Variants in ADAP1 observed in about 807,000 individuals in gnomAD.
ADAP1 encodes the protein arf-GAP with dual PH domain-containing protein 1.
ADAP1 carries 31 observed loss-of-function variants against 54.9 expected under a neutral mutation model. The ratio of observed to expected loss-of-function variants is 0.56; its 90% confidence interval spans 0.42 to 0.76. ADAP1 has a LOEUF of 0.76. Among genes scored for constraint, ADAP1 ranks in the 30% least tolerant of loss-of-function variants. The pLI, the probability that ADAP1 is intolerant of heterozygous loss-of-function variation, is 0.00. For missense variants in ADAP1, 535 were observed against 512.4 expected, an observed-to-expected ratio of 1.04 and a Z score of -0.42; for synonymous variants, 313 against 202.6, an observed-to-expected ratio of 1.55 and a Z score of -4.63.
intron 1 of ADAP1, among the ~76,000 whole-genome samples, chr7:951,006 C>T (rs993737085): frequency 1.3e-5 from 2 of 151,708 alleles, no homozygotes; most frequent in African/African-American, 4.8e-5. Context: ...ATGGTGGTGG[C>T]GGTGGCACGG....
rs1254058699 is a variant in ADAP1 at position 899,019 on chromosome 7, C to T, written c.1096+14G>A. 1 of 1,609,708 alleles carries T rather than the reference C, an allele frequency of 6.2e-7. No homozygotes were observed. Among genetic ancestry groups the T allele is most frequent in the East Asian group, 2.2e-5 (1 of 44,854 alleles). ...GGGAGCCCTTCCAGGCCGCCGGCCG[C>T]CCGCCCCCCTCACCTGCGTACTCCT... On this transcript the variant is annotated intron_variant, in intron 10 of 10. Transcript: ENST00000265846.
At position 954,509 on chromosome 7, in the gene ADAP1, G is replaced by A. The variant is rs997467103; in HGVS notation, c.-32C>T. On this transcript the variant is annotated 5_prime_UTR_variant, in exon 1 of 11. Transcript: ENST00000265846. ...GATGCGCCCGCGATGCCGATGCCGG[G>A]GCCGGGGCCGGGAGCGTCAGCCCGG... 26 of 1,009,562 alleles carry A rather than the reference G, an allele frequency of 2.6e-5. No individual in the cohort carries two copies. Among genetic ancestry groups the A allele is most frequent in the South Asian group, 4.3e-5 (1 of 23,454 alleles). The allele number at this position is 1,009,562 out of a possible 1,614,324, so 62.5% of individuals were successfully genotyped here.
intron 4 of ADAP1, among the ~76,000 whole-genome samples, chr7:911,986 G>C (rs1350059278): frequency 6.6e-6 from 1 of 152,186 alleles, no homozygotes; most frequent in African/African-American, 2.4e-5. Context: ...CGCTGCCTGC[G>C]AGGAACGGCT....
At chr7:906,666 A>C (rs1448382056) in intron 4 of ADAP1, among the ~76,000 whole-genome samples, 2 of 100,172 alleles carry the variant, frequency 2.0e-5, no homozygotes, top group Non-Finnish European at 3.8e-5. Flanking sequence ...GGGGCGGGAA[A>C]GGGGACATGG....
At chr7:901,662 G>A (rs965641734) in intron 6 of ADAP1, among the ~76,000 whole-genome samples, 2 of 88,962 alleles carry the variant, frequency 2.2e-5, no homozygotes, top group African/African-American at 9.0e-5. Context: ...GCCCCTCATC[G>A]GCCTCCAGCC....
Position 946,113 on chromosome 7 carries a change from G to A in ADAP1, c.82+8283C>T, listed in dbSNP as rs1288553616. 6.6e-6 allele frequency among the ~76,000 whole-genome samples: 1 copy of A among 152,222 alleles called. No homozygotes were observed. The highest frequency in any genetic ancestry group is 1.5e-5 in the Non-Finnish European group (1 of 68,032). ...CCCACCACCCTTCACAGCTACGTGAGGCGGGGCATGCATGGCTGTCCCCCA... is the reference window on the plus strand; with the variant it reads ...CCCACCACCCTTCACAGCTACGTGAAGCGGGGCATGCATGGCTGTCCCCCA... On this transcript the variant is annotated intron_variant, in intron 1 of 10. Transcript: ENST00000265846. This position sits in a 1 kb window ranked among gnomAD's most constrained non-coding sequence, Gnocchi z 4.3.
intron 1 of ADAP1, among the ~76,000 whole-genome samples, chr7:937,184 G>T (rs1846793454): frequency 1.2e-5 from 1 of 81,678 alleles, no homozygotes; most frequent in Non-Finnish European, 2.7e-5. Flanking sequence ...CCCGACCTCT[G>T]GGATTTGGGG....
chr7:935,043 C>T, intron 2 of ADAP1: 2 of 471,504 alleles, frequency 4.2e-6, no homozygotes, highest in South Asian at 3.2e-5. Context: ...CTCTTTTACC[C>T]TGAGCCCAGT....
chr7:931,620 G>A (rs1239777716), intron 2 of ADAP1, among the ~76,000 whole-genome samples: 1 of 152,140 alleles, frequency 6.6e-6, no homozygotes, highest in Non-Finnish European at 1.5e-5. Flanking sequence ...TGATGAAAAT[G>A]TCCTAATATT....
chr7:905,654 GA>G (rs1205573882), intron 4 of ADAP1: 12 of 175,132 alleles, frequency 6.9e-5, no homozygotes, highest in South Asian at 1.3e-4. Context: ...AAAGGGAAAG[GA>G]GAAAGGAGAA....
Position 920,553 on chromosome 7 carries a change from C to T in ADAP1, c.306-503G>A, listed in dbSNP as rs1299358819. ...GCCCTCCACCCGCCGTGCCGCCCTC[C>T]ACGTGGTTCTGAGACACAGGACGGA... On this transcript the variant is annotated intron_variant, in intron 3 of 10. Coordinates refer to ENST00000265846, the MANE Select transcript of ADAP1 (RefSeq NM_006869.4). This position sits in a 1 kb window ranked among gnomAD's most constrained non-coding sequence, Gnocchi z 4.5. Among the ~76,000 whole-genome samples, 3 of 152,150 alleles carry T rather than the reference C, an allele frequency of 2.0e-5. No homozygotes were observed. Among genetic ancestry groups the T allele is most frequent in the African/African-American group, 4.8e-5 (2 of 41,430 alleles).
At chr7:954,002 C>G (rs1286753333) in intron 1 of ADAP1, among the ~76,000 whole-genome samples, 1 of 152,190 alleles carries the variant, frequency 6.6e-6, no homozygotes, top group Non-Finnish European at 1.5e-5. Flanking sequence ...CACAGCCCAG[C>G]AGAGACCTCC....
rs567958546 is a variant in ADAP1 at position 935,406 on chromosome 7, C to T, written c.182G>A (p.Arg61His). Residue 61 changes from arginine to histidine, a missense_variant, in exon 2 of 11, where the codon CGC (arginine) becomes CAC (histidine). Transcript: ENST00000265846. ...IPQVSKVKSV[R>H]LDAWEEAQVE... is the part of the protein sequence containing the mutation. ...TTGGGCCTCCTCCCAGGCGTCCAGG[C>T]GGACGGACTTCACCTTGCTGACCTG... 7.0e-6 allele frequency: 11 copies of T among 1,560,824 alleles called. No individual in the cohort carries two copies. In the East Asian group the frequency reaches 2.2e-4, roughly 31 times the overall value.
intron 1 of ADAP1, among the ~76,000 whole-genome samples, chr7:947,345 C>T (rs181849993): frequency 6.6e-6 from 1 of 151,880 alleles, no homozygotes; most frequent in African/African-American, 2.4e-5. Context: ...GTGTGAGCCA[C>T]CGCGCCTGAC....
intron 3 of ADAP1, among the ~76,000 whole-genome samples, chr7:925,967 C>G (rs1454734006): frequency 6.6e-6 from 1 of 152,194 alleles, no homozygotes; most frequent in Non-Finnish European, 1.5e-5. Flanking sequence ...TGCGAACAGT[C>G]AGGCTGGGCC....
chr7:904,485 G>C (rs1458010583), intron 5 of ADAP1, among the ~76,000 whole-genome samples: 3 of 152,156 alleles, frequency 2.0e-5, no homozygotes, highest in Non-Finnish European at 4.4e-5. Flanking sequence ...CAACGACACT[G>C]TGCAGGTGGC....
intron 4 of ADAP1, among the ~76,000 whole-genome samples, chr7:919,494 C>T (rs974508902): frequency 6.6e-6 from 1 of 150,846 alleles, no homozygotes; most frequent in Non-Finnish European, 1.5e-5. Context: ...GTGTGTTACC[C>T]AGGTTAATAA....
chr7:947,668 C>T (rs1011693166), intron 1 of ADAP1, among the ~76,000 whole-genome samples: 1 of 152,106 alleles, frequency 6.6e-6, no homozygotes, highest in Non-Finnish European at 1.5e-5. Context: ...CCCACACTCA[C>T]GCCCCGCCCT....
chr7:930,209 G>A (rs1290950732), intron 2 of ADAP1, among the ~76,000 whole-genome samples: 5 of 149,602 alleles, frequency 3.3e-5, no homozygotes, highest in African/African-American at 5.0e-5. Context: ...TGACTATGTC[G>A]AAGTAAAAAT....
Sources: allele counts gnomAD v4.1 joint callset (sites outside exome capture counted in the v4.1 genomes callset), GRCh38; gene constraint gnomAD v4.1.1; non-coding constraint Gnocchi (gnomAD v3.1); transcripts MANE v1.5; gene names NCBI Gene and HGNC (gene_info 2026-07-23, HGNC 2026-07-21).